Variants in ST7L observed in about 807,000 individuals in gnomAD.
ST7L encodes the protein suppressor of tumorigenicity 7 protein-like.
In ST7L, 57 loss-of-function variants were observed where a neutral mutation model predicts 72.5. That is an observed-to-expected ratio of 0.79 (90% CI 0.64 to 0.98). ST7L has a LOEUF of 0.98. Among genes scored for constraint, ST7L ranks in the 50% least tolerant of loss-of-function variants. ST7L has a pLI of 0.00. For synonymous variants in ST7L, 221 were observed against 240.9 expected (o/e 0.92, Z 0.77); for missense variants, 576 against 672.2 (o/e 0.86, Z 1.58).
chr1:112,607,814 T>C (rs989578492), intron 3 of ST7L, among the ~76,000 whole-genome samples: 1 of 151,866 alleles, frequency 6.6e-6, no homozygotes, highest in Admixed American at 6.6e-5. Flanking sequence ...TTGGATGGAG[T>C]TCAGGGTGGT....
At chr1:112,543,350 C>T (rs1201483564) in intron 13 of ST7L, among the ~76,000 whole-genome samples, 3 of 151,812 alleles carry the variant, frequency 2.0e-5, no homozygotes, top group Non-Finnish European at 2.9e-5. Flanking sequence ...GAGATCGAGA[C>T]CATCCTGGCC....
intron 11 of ST7L, among the ~76,000 whole-genome samples, chr1:112,556,792 AC>A (rs1398028451): frequency 1.3e-5 from 2 of 151,780 alleles, no homozygotes; most frequent in South Asian, 2.1e-4. Flanking sequence ...ACATGGTGAA[AC>A]CCCATCTCTA....
chr1:112,520,925 A>C (rs1170707828), downstream of ST7L: 1 of 183,592 alleles, frequency 5.4e-6, no homozygotes, highest in African/African-American at 2.4e-5. Flanking sequence ...TAGATGGGAC[A>C]AAGATGAATG....
At chr1:112,617,446 T>G (rs1297665607) in intron 1 of ST7L, among the ~76,000 whole-genome samples, 2 of 152,162 alleles carry the variant, frequency 1.3e-5, no homozygotes, top group East Asian at 3.9e-4. Context: ...GTAGGATGGC[T>G]CACTCCCATA....
intron 4 of ST7L, 62 bp from the exon 5 acceptor site, chr1:112,598,148 A>C: frequency 8.4e-7 from 1 of 1,190,470 alleles, no homozygotes; most frequent in Non-Finnish European, 1.2e-6. Flanking sequence ...CTGCTATAAC[A>C]GACACTACTT....
At chr1:112,537,909 CT>C (rs1655475848) in intron 14 of ST7L, among the ~76,000 whole-genome samples, 1 of 152,238 alleles carries the variant, frequency 6.6e-6, no homozygotes, top group Non-Finnish European at 1.5e-5. Context: ...ATTAGCCATT[CT>C]AGTTCATTCC....
chr1:112,565,961 T>C (rs1660943784), intron 11 of ST7L, among the ~76,000 whole-genome samples: 1 of 151,480 alleles, frequency 6.6e-6, no homozygotes, highest in Non-Finnish European at 1.5e-5. Flanking sequence ...CAGTGAGTCA[T>C]GATCATGCCA....
chr1:112,523,465 T>C (rs1485056421), downstream of ST7L: 1 of 152,246 alleles, frequency 6.6e-6, no homozygotes, highest in African/African-American at 2.4e-5. Flanking sequence ...CTGCATTGAT[T>C]GGCTTTACAC....
intron 14 of ST7L, 184 bp from the exon 15 acceptor site, chr1:112,526,295 AT>A: frequency 3.2e-6 from 2 of 622,226 alleles, no homozygotes; most frequent in South Asian, 6.7e-5. Flanking sequence ...TATACAACAT[AT>A]TCCACATTTA....
At chr1:112,576,843 T>G in intron 11 of ST7L, 143 bp downstream of exon 11, 1 of 540,760 alleles carries the variant, frequency 1.8e-6, no homozygotes, top group Non-Finnish European at 3.2e-6. Context: ...CAACGTCCCC[T>G]GTAAGGTGAA....
rs1657252757 is a variant in ST7L at position 112,547,306 on chromosome 1, C to A, written c.1489+3295G>T. ...CTCCTGGGTTCAAGCAATTCTCCTA[C>A]CTCAGCCTCCTGAGTAGCTGGGATT... is the stretch of plus-strand genomic sequence containing the variant. On this transcript the variant is annotated intron_variant, in intron 13 of 14. Coordinates refer to ENST00000358039, the MANE Select transcript of ST7L (RefSeq NM_017744.5). Among the ~76,000 whole-genome samples the A allele has an allele frequency of 3.3e-5, 5 of 151,702 alleles. No individual in the cohort carries two copies. The South Asian group carries it at 8.3e-4, about 25-fold the overall frequency.
At chr1:112,555,836 G>C in intron 12 of ST7L, 32 bp downstream of exon 12, 1 of 1,460,374 alleles carries the variant, frequency 6.8e-7, no homozygotes, top group Middle Eastern at 1.8e-4. Context: ...TAGTTAGAGA[G>C]ATTAGTGTTA....
At chr1:112,574,073 C>T (rs183521317) in intron 11 of ST7L, among the ~76,000 whole-genome samples, 1 of 149,424 alleles carries the variant, frequency 6.7e-6, no homozygotes, top group East Asian at 2.1e-4. Context: ...CCCCACCACA[C>T]CCGGTTAATT....
intron 13 of ST7L, among the ~76,000 whole-genome samples, chr1:112,548,663 A>G (rs1007912849): frequency 1.3e-5 from 2 of 152,216 alleles, no homozygotes; most frequent in African/African-American, 4.8e-5. Flanking sequence ...GCACAGGTTT[A>G]TATCACATAA....
rs769750917 is a variant in ST7L, at chr1:112,524,691, A to C, written c.*1322T>G. The stretch of plus-strand genomic sequence containing the variant: ...ATCTTTGAAGCAATGTTGGATAACA[A>C]GAAAGAGATGCTTCCTTTTCACTCT... On this transcript the variant is annotated 3_prime_UTR_variant, in exon 15 of 15. Transcript: ENST00000358039. The C allele has an allele frequency of 1.3e-5, 2 of 152,508 alleles. No individual in the cohort carries two copies. The highest frequency in any genetic ancestry group is 2.9e-5 in the Non-Finnish European group (2 of 68,136). 9.4% of individuals were successfully genotyped at this position (152,508 alleles called of 1,614,324 possible).
chr1:112,601,487 C>T (rs1044436137), intron 3 of ST7L, among the ~76,000 whole-genome samples: 6 of 151,994 alleles, frequency 3.9e-5, no homozygotes, highest in Non-Finnish European at 5.9e-5. Context: ...CCTCGTGATC[C>T]GCCTGCCTTG....
intron 11 of ST7L, among the ~76,000 whole-genome samples, chr1:112,556,851 C>T (rs1438303118): frequency 2.6e-5 from 4 of 151,192 alleles, no homozygotes; most frequent in Admixed American, 2.6e-4. Flanking sequence ...GCCTGTAGTG[C>T]CAGCTACTCA....
intron 10 of ST7L, among the ~76,000 whole-genome samples, chr1:112,578,032 T>TA (rs910973301): frequency 3.3e-5 from 5 of 152,032 alleles, no homozygotes; most frequent in African/African-American, 1.2e-4. Flanking sequence ...TTTAGGCACT[T>TA]ACCACACATA....
chr1:112,609,716 G>A (rs1475158544), intron 3 of ST7L, among the ~76,000 whole-genome samples: 3 of 151,958 alleles, frequency 2.0e-5, no homozygotes, highest in African/African-American at 4.8e-5. Context: ...CCAGCTACTC[G>A]GGAGGCTGAG....
Sources: allele counts gnomAD v4.1 joint callset (sites outside exome capture counted in the v4.1 genomes callset), GRCh38; gene constraint gnomAD v4.1.1; transcripts MANE v1.5; gene names NCBI Gene and HGNC (gene_info 2026-07-23, HGNC 2026-07-21).